The following ZNF784 variants were observed in gnomAD, a reference collection of about 807,000 sequenced individuals.
The protein encoded by ZNF784 is zinc finger protein 784.
In ZNF784, 5 loss-of-function variants were observed where a neutral mutation model predicts 3.3. The ratio of observed to expected loss-of-function variants is 1.53; its 90% CI spans 0.80 to 3.22. ZNF784 has a LOEUF of 3.22. Among genes scored for constraint, ZNF784 ranks in the 30% most tolerant of loss-of-function variants. The probability of loss-of-function intolerance (pLI) is 0.00; values close to 1 mark genes in which losing one functional copy is unlikely to be tolerated. For missense variants in ZNF784, 501 were observed against 480.7 expected, an observed-to-expected ratio of 1.04 and a Z score of -0.39; for synonymous variants, 231 against 219.6, an observed-to-expected ratio of 1.05 and a Z score of -0.46.
chr19:55,622,293 G>T lies in ZNF784; in HGVS notation c.430C>A (p.Leu144Met). 1 of 1,523,408 alleles carries T rather than the reference G, an allele frequency of 6.6e-7. No homozygotes were observed. The allele number at this position is 1,523,408 out of a possible 1,614,324, so 94.4% of individuals were successfully genotyped here. A position where few individuals can be genotyped will look rare whatever the true frequency, so the allele number is the denominator to read the frequency against. ...CCGTGCCGGTGCTGGTGCCGGAGCA[G>T]GGGCGCCAAGGCCTTGAAGGCGCGG... ...CPRAFKALAP[L>M]LRHQHRHGVE... is the part of the protein sequence containing the mutation. Residue 144 changes from leucine to methionine, a missense_variant, in exon 2 of 2, where the codon CTG becomes ATG. Leu to Met is a conservative substitution (Grantham distance 15). Transcript: ENST00000325351. This position sits in a 1 kb window ranked among gnomAD's most constrained non-coding sequence, Gnocchi z 5.9.
In ZNF784 at chr19:55,622,218, C is replaced by G; in HGVS notation, c.505G>C (p.Glu169Gln). ...TCCGGGGCCACCCCGGGCCTCTGTT[C>G]TGCAACGGCCGCTGTGTCCGGAGGC... Reference protein sequence around the residue: ...RRPPDTAAVAEQRPGVAPERA... With the variant: ...RRPPDTAAVAQQRPGVAPERA... The change falls in exon 2 of 2, where the codon GAA (glutamate) becomes CAA (glutamine). Residue 169 changes from glutamate to glutamine, a missense_variant. By Grantham distance (29) the Glu-to-Gln change is conservative. Transcript: ENST00000325351. This position sits in a 1 kb window ranked among gnomAD's most constrained non-coding sequence, Gnocchi z 5.9. The G allele has an allele frequency of 6.5e-7, 1 of 1,535,264 alleles. No homozygotes were observed. Among genetic ancestry groups the G allele is most frequent in the Non-Finnish European group, 8.7e-7 (1 of 1,145,714 alleles).
Position 55,624,553 on chromosome 19 carries a change from A to C in ZNF784, c.9T>G (p.Ala3=). 6.3e-7 allele frequency: 1 copy of C among 1,591,848 alleles called. No homozygotes were observed. Residue 3 remains alanine (A), a synonymous_variant, in exon 1 of 2, where the codon GCT becomes GCG. Coordinates refer to ENST00000325351, the MANE Select transcript of ZNF784 (RefSeq NM_203374.2). MA[A]ARPEAQSRSS... Reference sequence around the variant, plus strand: ...TCCGACTCTGGGCCTCTGGGCGCGCAGCGGCCATCTTGTGCCCAAGCCCCG... The same window carrying C: ...TCCGACTCTGGGCCTCTGGGCGCGCCGCGGCCATCTTGTGCCCAAGCCCCG...
intron 1 of ZNF784, among the ~76,000 whole-genome samples, chr19:55,623,951 A>T (rs1304948595): frequency 6.6e-6 from 1 of 152,128 alleles, no homozygotes; most frequent in Non-Finnish European, 1.5e-5. Flanking sequence ...GGTAACGTGG[A>T]GGAAGTTCCA....
chr19:55,622,540 C>T lies in ZNF784; in HGVS notation c.183G>A (p.Glu61=). 6.2e-7 allele frequency: 1 copy of T among 1,611,882 alleles called. No homozygotes were observed. The highest frequency in any genetic ancestry group is 8.5e-7 in the Non-Finnish European group (1 of 1,179,424). ...ACAAGGCACAGTGGAAAGAACCTGG[C>T]TCCGGGGGCTCAGGGACCAGCGTGG... ...TDTTLVPEPP[E]PGSFHCALCP... Residue 61 remains glutamate (E), a synonymous_variant, in exon 2 of 2, where the codon GAG becomes GAA. Transcript: ENST00000325351. The surrounding 1 kb of genome is among the most constrained non-coding windows in gnomAD (Gnocchi z 5.9).
intron 1 of ZNF784, 63 bp downstream of exon 1, chr19:55,624,421 C>A (rs770706859): frequency 1.4e-6 from 2 of 1,477,380 alleles, no homozygotes; most frequent in Non-Finnish European, 9.2e-7. Flanking sequence ...CCCGGACCCG[C>A]CCCCCACACT....
chr19:55,621,791 C>T lies in ZNF784; in HGVS notation c.932G>A (p.Arg311Gln), dbSNP rs1981561445. 6.3e-7 allele frequency: 1 copy of T among 1,596,740 alleles called. No homozygotes were observed. Among genetic ancestry groups the T allele is most frequent in the Non-Finnish European group, 8.5e-7 (1 of 1,179,480 alleles). Residue 311 changes from arginine (R) to glutamine (Q), a missense_variant, in exon 2 of 2, where the codon CGG (arginine) becomes CAG (glutamine). By Grantham distance (43) the Arg-to-Gln change is conservative (BLOSUM62 1). Transcript: ENST00000325351. This position sits in a 1 kb window ranked among gnomAD's most constrained non-coding sequence, Gnocchi z 4.1. Reference sequence around the variant, plus strand: ...CACCTTCACCTTCGCGGTCTCCCCCCGCCCCTCCTCCGCAGGGTCCCCTAC... The same window carrying T: ...CACCTTCACCTTCGCGGTCTCCCCCTGCCCCTCCTCCGCAGGGTCCCCTAC... ...CGVGDPAEEG[R>Q]GETAKVKVEA...
In ZNF784 at chr19:55,624,530, C is replaced by T. The variant is rs938340313; in HGVS notation, c.32G>A (p.Arg11Gln). ...TCGCGACTCCGGAGTCGGTGAGCTC[C>T]GACTCTGGGCCTCTGGGCGCGCAGC... MAAARPEAQS[R>Q]SSPTPESRSQ... The change falls in exon 1 of 2, where the codon CGG (arginine) becomes CAG (glutamine). Residue 11 changes from arginine (R) to glutamine (Q), a missense_variant. Physicochemically the swap from Arg to Gln is conservative, Grantham distance 43. Coordinates refer to ENST00000325351, the MANE Select transcript of ZNF784 (RefSeq NM_203374.2). 2.5e-6 allele frequency: 4 copies of T among 1,602,304 alleles called. No homozygotes were observed. The highest frequency in any genetic ancestry group is 2.6e-6 in the Non-Finnish European group (3 of 1,175,684).
Position 55,621,556 on chromosome 19 carries a change from T to C in ZNF784, c.*195A>G, listed in dbSNP as rs1045480169. 4 of 725,252 alleles carry C rather than the reference T, an allele frequency of 5.5e-6. No homozygotes were observed. Among genetic ancestry groups the C allele is most frequent in the Non-Finnish European group, 6.7e-6 (3 of 448,758 alleles). 44.9% of individuals were successfully genotyped at this position (725,252 alleles called of 1,614,324 possible). A position where few individuals can be genotyped will look rare whatever the true frequency, so the allele number is the denominator to read the frequency against. ...TCCTAGGCCTGGCAGAGGTGCTGTG[T>C]GGGCGTGTGGGAGTCTGGAGCCTGG... On this transcript the variant is annotated 3_prime_UTR_variant, in exon 2 of 2. Transcript: ENST00000325351. This position sits in a 1 kb window ranked among gnomAD's most constrained non-coding sequence, Gnocchi z 4.1.
intron 1 of ZNF784, among the ~76,000 whole-genome samples, chr19:55,623,417 C>T (rs1343717228): frequency 6.6e-6 from 1 of 152,206 alleles, no homozygotes; most frequent in African/African-American, 2.4e-5. Context: ...TTGTCCTCCA[C>T]CCTAGTTAAA....
Position 55,621,694 on chromosome 19 carries a change from C to G in ZNF784, c.*57G>C. On this transcript the variant is annotated 3_prime_UTR_variant, in exon 2 of 2. Transcript: ENST00000325351. The surrounding 1 kb of genome is among the most constrained non-coding windows in gnomAD (Gnocchi z 4.1). ...GCCTCCGTTTCCCCACCCCGTCCCC[C>G]TCCCCGGGTCGGCCTCGTACCTCCG... 1.9e-6 allele frequency: 3 copies of G among 1,571,640 alleles called. No homozygotes were observed. The highest frequency in any genetic ancestry group is 2.6e-6 in the Non-Finnish European group (3 of 1,164,652).
intron 1 of ZNF784, among the ~76,000 whole-genome samples, chr19:55,623,562 G>T (rs1355335947): frequency 6.6e-6 from 1 of 152,068 alleles, no homozygotes; most frequent in Non-Finnish European, 1.5e-5. Context: ...GTCATTTTTC[G>T]CACTCAAAAC....
Position 55,622,512 on chromosome 19 carries a change from G to C in ZNF784, c.211C>G (p.Pro71Ala). 1 of 1,612,792 alleles carries C rather than the reference G, an allele frequency of 6.2e-7. No individual in the cohort carries two copies. Among genetic ancestry groups the C allele is most frequent in the Non-Finnish European group, 8.5e-7 (1 of 1,179,770 alleles). The change falls in exon 2 of 2, where the codon CCT becomes GCT. Residue 71 changes from proline (P) to alanine (A), a missense_variant. Physicochemically the swap from Pro to Ala is conservative, Grantham distance 27. Coordinates refer to ENST00000325351, the MANE Select transcript of ZNF784 (RefSeq NM_203374.2). The surrounding 1 kb of genome is among the most constrained non-coding windows in gnomAD (Gnocchi z 5.9). The part of the protein sequence containing the change: ...EPGSFHCALC[P>A]AAFRLVSELL... ...TCGGAAACCAGCCGGAAGGCAGCAG[G>C]GCACAAGGCACAGTGGAAAGAACCT... is the stretch of plus-strand genomic sequence containing the variant.
rs1363465794 is a variant in ZNF784 at position 55,621,443 on chromosome 19, C to T, written c.*308G>A. On this transcript the variant is annotated 3_prime_UTR_variant, in exon 2 of 2. Transcript: ENST00000325351. This position sits in a 1 kb window ranked among gnomAD's most constrained non-coding sequence, Gnocchi z 4.1. ...GGGTCTTGCACAAGGACAAGCCAAC[C>T]AAGAGACAGTCGGGGAAGTGACATC... 12 of 501,062 alleles carry T rather than the reference C, an allele frequency of 2.4e-5. No homozygotes were observed. The allele number at this position is 501,062 out of a possible 1,614,324, so 31.0% of individuals were successfully genotyped here.
Position 55,622,181 on chromosome 19 carries a change from A to C in ZNF784, c.542T>G (p.Val181Gly), listed in dbSNP as rs1158153450. 1 of 1,532,812 alleles carries C rather than the reference A, an allele frequency of 6.5e-7. No individual in the cohort carries two copies. Among genetic ancestry groups the C allele is most frequent in the South Asian group, 1.2e-5 (1 of 83,778 alleles). The allele number at this position is 1,532,812 out of a possible 1,614,324, so 95.0% of individuals were successfully genotyped here. A position where few individuals can be genotyped will look rare whatever the true frequency, so the allele number is the denominator to read the frequency against. The change falls in exon 2 of 2, where the codon GTG (valine) becomes GGG (glycine). Residue 181 changes from valine (V) to glycine (G), a missense_variant. By Grantham distance (109) the Val-to-Gly change is moderately radical. Transcript: ENST00000325351. This position sits in a 1 kb window ranked among gnomAD's most constrained non-coding sequence, Gnocchi z 5.9. ...RPGVAPERAE[V>G]VMAAAAAGAA... ...GCCCGCCGCCGCCGCCGCCATCACC[A>C]CCTCCGCCCTCTCCGGGGCCACCCC... is the stretch of plus-strand genomic sequence containing the variant.
chr19:55,621,784 CT>C lies in ZNF784; in HGVS notation c.938del (p.Glu313GlyfsTer5). On this transcript the variant is annotated frameshift_variant, in exon 2 of 2. Coordinates refer to ENST00000325351, the MANE Select transcript of ZNF784 (RefSeq NM_203374.2). LOFTEE classifies it low-confidence loss of function (END_TRUNC). This position sits in a 1 kb window ranked among gnomAD's most constrained non-coding sequence, Gnocchi z 4.1. ...CGGCCTCCACCTTCACCTTCGCGGT[CT>C]CCCCCCGCCCCTCCTCCGCAGGGTC... is the stretch of plus-strand genomic sequence containing the variant. ...VGDPAEEGRG[E>X]TAKVKVEADQ is the part of the protein sequence containing the mutation. 6.3e-7 allele frequency: 1 copy of C among 1,596,988 alleles called. No homozygotes were observed. The highest frequency in any genetic ancestry group is 8.5e-7 in the Non-Finnish European group (1 of 1,179,588).
chr19:55,624,272 AC>A (rs1426863774), intron 1 of ZNF784, among the ~76,000 whole-genome samples: 1 of 12,952 alleles, frequency 7.7e-5, no homozygotes, highest in African/African-American at 3.4e-4. Context: ...CCCGCCCACC[AC>A]CCATAGGTCC....
rs1378504943 is a variant in ZNF784 at position 55,620,866 on chromosome 19, C to CA, written c.*884dup. On this transcript the variant is annotated 3_prime_UTR_variant, in exon 2 of 2. Coordinates refer to ENST00000325351, the MANE Select transcript of ZNF784 (RefSeq NM_203374.2). ...CACCCAGGCCAGCCCACCATGCTGC[C>CA]ATCAGCCAGCCCGCCCTTGGGATTG... 1 of 152,764 alleles carries CA rather than the reference C, an allele frequency of 6.5e-6. No homozygotes were observed. The highest frequency in any genetic ancestry group is 1.5e-5 in the Non-Finnish European group (1 of 68,118). 9.5% of individuals were successfully genotyped at this position (152,764 alleles called of 1,614,324 possible).
Position 55,621,170 on chromosome 19 carries a change from A to G in ZNF784, c.*581T>C, listed in dbSNP as rs1278500962. The G allele has an allele frequency of 6.2e-6, 1 of 161,328 alleles. No homozygotes were observed. The highest frequency in any genetic ancestry group is 1.9e-4 in the East Asian group (1 of 5,352). The allele number at this position is 161,328 out of a possible 1,614,324, so 10.0% of individuals were successfully genotyped here. A position where few individuals can be genotyped will look rare whatever the true frequency, so the allele number is the denominator to read the frequency against. On this transcript the variant is annotated 3_prime_UTR_variant, in exon 2 of 2. Transcript: ENST00000325351. This position sits in a 1 kb window ranked among gnomAD's most constrained non-coding sequence, Gnocchi z 4.1. The stretch of plus-strand genomic sequence containing the variant: ...TGAGGCTCAAGTGCTCTCAGCGGTG[A>G]CTTGGGGACCCTCTGGCTTTGAGGT...
Position 55,621,648 on chromosome 19 carries a change from A to C in ZNF784, c.*103T>G. 4 of 1,405,828 alleles carry C rather than the reference A, an allele frequency of 2.8e-6. No individual in the cohort carries two copies. Among genetic ancestry groups the C allele is most frequent in the Non-Finnish European group, 9.6e-7 (1 of 1,039,866 alleles). 87.1% of individuals were successfully genotyped at this position (1,405,828 alleles called of 1,614,324 possible). ...CCCTGCAGCTGTCATCTCTCCCCCAATCTCCCCTCTTCTGTCCCCTGCCTC... is the reference window on the plus strand; with the variant it reads ...CCCTGCAGCTGTCATCTCTCCCCCACTCTCCCCTCTTCTGTCCCCTGCCTC... On this transcript the variant is annotated 3_prime_UTR_variant, in exon 2 of 2. Transcript: ENST00000325351. This position sits in a 1 kb window ranked among gnomAD's most constrained non-coding sequence, Gnocchi z 4.1.
Sources: gnomAD v4.1 joint callset for allele counts (sites outside exome capture counted in the v4.1 genomes callset) on GRCh38, gnomAD v4.1.1 for gene constraint, Gnocchi (gnomAD v3.1) non-coding constraint, MANE v1.5 for transcripts, NCBI Gene and HGNC (gene_info 2026-07-23, HGNC 2026-07-21) for gene names.